Variants in CACNB2 observed in about 807,000 individuals in gnomAD.
CACNB2 encodes calcium voltage-gated channel auxiliary subunit beta 2.
Under a neutral mutation model 73.3 loss-of-function variants are expected in CACNB2, and 42 were observed. That is an observed-to-expected ratio of 0.57 (90% CI 0.45 to 0.74). The LOEUF (loss-of-function observed/expected upper bound fraction) is 0.74. Among genes scored for constraint, CACNB2 ranks in the 30% least tolerant of loss-of-function variants. The pLI, the probability that CACNB2 is intolerant of heterozygous loss-of-function variation, is 0.00. For synonymous variants in CACNB2, 348 were observed against 310.3 expected, an observed-to-expected ratio of 1.12 and a Z score of -1.28; for missense variants, 940 against 853.0, an observed-to-expected ratio of 1.10 and a Z score of -1.27.
chr10:18,285,248 C>T (rs1033838246), intron 2 of CACNB2, among the ~76,000 whole-genome samples: 8 of 152,152 alleles, frequency 5.3e-5, no homozygotes, highest in African/African-American at 1.9e-4. Flanking sequence ...GCAGGTCTAA[C>T]GTGGTGAAAG....
intron 2 of CACNB2, among the ~76,000 whole-genome samples, chr10:18,288,619 G>C (rs2038904974): frequency 6.6e-6 from 1 of 150,932 alleles, no homozygotes; most frequent in Non-Finnish European, 1.5e-5. Context: ...TGTATTCCCT[G>C]AGGAGAAAAA....
intron 2 of CACNB2, among the ~76,000 whole-genome samples, chr10:18,199,510 C>T (rs552972579): frequency 6.6e-6 from 1 of 151,962 alleles, no homozygotes; most frequent in African/African-American, 2.4e-5. Flanking sequence ...AGAAGTCTTG[C>T]TTAGTAGGCT....
At chr10:18,410,811 C>G (rs112364560) in intron 3 of CACNB2, among the ~76,000 whole-genome samples, 4,120 of 152,188 alleles carry the variant, frequency 0.027, 70 homozygotes, top group Non-Finnish European at 0.038. Context: ...GAAACCCCAT[C>G]TCTACTAAAA....
At chr10:18,215,346 G>A (rs535587483) in intron 2 of CACNB2, among the ~76,000 whole-genome samples, 1 of 152,112 alleles carries the variant, frequency 6.6e-6, no homozygotes, top group South Asian at 2.1e-4. Flanking sequence ...GTCTGACGGT[G>A]AGACCAGACA....
At chr10:18,228,970 G>C (rs1322828230) in intron 2 of CACNB2, among the ~76,000 whole-genome samples, 1 of 152,092 alleles carries the variant, frequency 6.6e-6, no homozygotes, top group African/African-American at 2.4e-5. Flanking sequence ...TCGAACTCCT[G>C]ACCTCAAGTG....
At chr10:18,341,164 T>C (rs1440369254) in intron 2 of CACNB2, among the ~76,000 whole-genome samples, 2 of 152,210 alleles carry the variant, frequency 1.3e-5, no homozygotes, top group African/African-American at 4.8e-5. Flanking sequence ...TTTAAGCAAG[T>C]GAAACTGTAA....
intron 2 of CACNB2, among the ~76,000 whole-genome samples, chr10:18,362,376 A>T (rs1424893803): frequency 6.6e-6 from 1 of 152,210 alleles, no homozygotes; most frequent in East Asian, 1.9e-4. Flanking sequence ...GGAGCAATAG[A>T]TATTTGTAAA....
intron 2 of CACNB2, among the ~76,000 whole-genome samples, chr10:18,228,433 C>CAAAAAAAAAAAAAAAAAAAAAA (rs1164745930): frequency 6.6e-4 from 23 of 34,800 alleles, no homozygotes; most frequent in Non-Finnish European, 1.0e-3. Flanking sequence ...AACTCTACCT[C>CAAAAAAAAAAAAAAAAAAAAAA]AAAAAAAAAA....
chr10:18,345,148 G>T (rs1002915958), intron 2 of CACNB2, among the ~76,000 whole-genome samples: 6 of 152,076 alleles, frequency 3.9e-5, no homozygotes, highest in Non-Finnish European at 7.4e-5. Flanking sequence ...ATGGTTTTCA[G>T]CTCCATTAAA....
intron 9 of CACNB2, among the ~76,000 whole-genome samples, chr10:18,523,558 G>A (rs1336230831): frequency 6.6e-6 from 1 of 152,124 alleles, no homozygotes; most frequent in Admixed American, 6.5e-5. Flanking sequence ...TACAGAGCTG[G>A]GGTTCTATAT....
At chr10:18,428,510 A>G (rs1325687144) in intron 3 of CACNB2, among the ~76,000 whole-genome samples, 1 of 152,058 alleles carries the variant, frequency 6.6e-6, no homozygotes, top group Non-Finnish European at 1.5e-5. Context: ...AACATGGTGA[A>G]ACCCCTTCTC....
intron 2 of CACNB2, among the ~76,000 whole-genome samples, chr10:18,377,683 G>A (rs1423580966): frequency 6.6e-6 from 1 of 152,186 alleles, no homozygotes. Flanking sequence ...AGGCCCATGA[G>A]CTATAGTTGG....
intron 2 of CACNB2, among the ~76,000 whole-genome samples, chr10:18,329,851 T>C (rs2040731198): frequency 6.6e-6 from 1 of 152,208 alleles, no homozygotes; most frequent in African/African-American, 2.4e-5. Flanking sequence ...TTGGTTTTCT[T>C]TTTTGAGATG....
chr10:18,317,264 G>A (rs2040227378), intron 2 of CACNB2, among the ~76,000 whole-genome samples: 1 of 151,524 alleles, frequency 6.6e-6, no homozygotes, highest in African/African-American at 2.4e-5. Context: ...TAAAAGTTTA[G>A]ATTTGGGGGT....
chr10:18,280,583 C>G (rs756126088), intron 2 of CACNB2, among the ~76,000 whole-genome samples: 13 of 152,136 alleles, frequency 8.5e-5, no homozygotes, highest in African/African-American at 2.4e-5. Context: ...CTTTATTTCA[C>G]CCCTAACTCA....
chr10:18,264,248 A>G (rs188090401), intron 2 of CACNB2, among the ~76,000 whole-genome samples: 20 of 152,350 alleles, frequency 1.3e-4, no homozygotes, highest in Admixed American at 9.8e-4. Flanking sequence ...GGATACAGGT[A>G]TGCAATGCAT....
intron 3 of CACNB2, among the ~76,000 whole-genome samples, chr10:18,442,958 G>GTATATATATATATATATGTA (rs375916403): frequency 2.7e-4 from 6 of 22,094 alleles, no homozygotes; most frequent in Admixed American, 5.3e-4. Flanking sequence ...ATATATATAT[G>GTATATATATATATATATGTA]TATATATATA....
intron 3 of CACNB2, among the ~76,000 whole-genome samples, chr10:18,440,287 G>A (rs1009627742): frequency 6.6e-6 from 1 of 152,174 alleles, no homozygotes; most frequent in Non-Finnish European, 1.5e-5. Context: ...TGGAGATTAA[G>A]TTTCAACATA....
intron 2 of CACNB2, among the ~76,000 whole-genome samples, chr10:18,153,109 A>G (rs1428436671): frequency 6.6e-6 from 1 of 152,218 alleles, no homozygotes; most frequent in South Asian, 2.1e-4. Context: ...TTTAAACACC[A>G]TTATAAGTGA....
Sources: gnomAD v4.1 joint callset for allele counts (sites outside exome capture counted in the v4.1 genomes callset) on GRCh38, gnomAD v4.1.1 for gene constraint, MANE v1.5 for transcripts, NCBI Gene and HGNC (gene_info 2026-07-23, HGNC 2026-07-21) for gene names.